The following CAP2 variants were observed in gnomAD, a reference collection of about 807,000 sequenced individuals.
CAP2 encodes the protein cyclase associated actin cytoskeleton regulatory protein 2.
In CAP2, 24 loss-of-function variants were observed where a neutral mutation model predicts 57.7. The observed-to-expected ratio is 0.42, with a 90% confidence interval of 0.30 to 0.58. The LOEUF (loss-of-function observed/expected upper bound fraction) is 0.58, where lower values mean the gene tolerates loss of function less well. Ranked by LOEUF, CAP2 falls within the 20% of genes least tolerant of loss-of-function variation. The probability of loss-of-function intolerance (pLI) is 0.22; values close to 1 mark genes in which losing one functional copy is unlikely to be tolerated. For synonymous variants in CAP2, 194 were observed against 207.2 expected (o/e 0.94, Z 0.55); for missense variants, 501 against 590.3 (o/e 0.85, Z 1.57).
intron 2 of CAP2, among the ~76,000 whole-genome samples, chr6:17,425,189 A>G (rs1732266591): frequency 6.6e-6 from 1 of 152,204 alleles, no homozygotes; most frequent in South Asian, 2.1e-4. Context: ...GGAATCCTAG[A>G]TTTTGGTTAG....
chr6:17,438,142 C>T (rs577726132), intron 3 of CAP2, among the ~76,000 whole-genome samples: 8 of 146,670 alleles, frequency 5.5e-5, no homozygotes, highest in South Asian at 2.1e-4. Flanking sequence ...CCAAGGTGGG[C>T]GGATCACAAG....
At chr6:17,406,394 A>ATTTTTTTTTTTTTTTTTTTTTT (rs1335180213) in intron 1 of CAP2, among the ~76,000 whole-genome samples, 4 of 91,910 alleles carry the variant, frequency 4.4e-5, no homozygotes, top group African/African-American at 6.1e-5. Flanking sequence ...GTAAGCCCAG[A>ATTTTTTTTTTTTTTTTTTTTTT]TTTCTTTTTT....
rs781381526 is a variant in CAP2 at position 17,463,057 on chromosome 6, ACC to A, written c.285_286del (p.Tyr95Ter). On this transcript the variant is annotated stop_gained and frameshift_variant, in exon 4 of 13. Coordinates refer to ENST00000229922, the MANE Select transcript of CAP2 (RefSeq NM_006366.3). LOFTEE classifies it high-confidence loss of function. ...GCTTTCCTTCTGATGGCCTCTCAGT[ACC>A]AACAACCCCACGAGGTAAGAGAGTG... 6.2e-7 allele frequency: 1 copy of A among 1,613,336 alleles called. No homozygotes were observed. Among genetic ancestry groups the A allele is most frequent in the Non-Finnish European group, 8.5e-7 (1 of 1,179,304 alleles).
At chr6:17,499,850 T>A (rs966631971) in intron 4 of CAP2, among the ~76,000 whole-genome samples, 6 of 149,234 alleles carry the variant, frequency 4.0e-5, no homozygotes, top group Non-Finnish European at 8.9e-5. Context: ...GACCCTGTCA[T>A]AAATAAATAA....
chr6:17,463,940 A>G (rs994549027), intron 4 of CAP2, among the ~76,000 whole-genome samples: 3 of 152,212 alleles, frequency 2.0e-5, no homozygotes, highest in South Asian at 2.1e-4. Context: ...AGTAAGGCCC[A>G]TGGTAAATTT....
At chr6:17,529,423 C>T (rs557732177) in intron 7 of CAP2, among the ~76,000 whole-genome samples, 3 of 152,024 alleles carry the variant, frequency 2.0e-5, no homozygotes, top group Non-Finnish European at 4.4e-5. Context: ...AGGCGGATCA[C>T]GAGGTCAGGA....
intron 1 of CAP2, among the ~76,000 whole-genome samples, chr6:17,410,324 A>G (rs1158520220): frequency 6.6e-6 from 1 of 152,168 alleles, no homozygotes; most frequent in Non-Finnish European, 1.5e-5. Context: ...AATACCCAGA[A>G]CTACTGCATC....
chr6:17,443,361 C>T (rs527730018), intron 3 of CAP2, among the ~76,000 whole-genome samples: 3 of 152,242 alleles, frequency 2.0e-5, no homozygotes, highest in Middle Eastern at 6.8e-3. Context: ...CTTGCCTTGA[C>T]GCCTCTTTTC....
Position 17,547,202 on chromosome 6 carries a change from G to A in CAP2, c.1209+4059G>A, listed in dbSNP as rs142232582. ...AAAGTGATCTATAAATACATTTATT[G>A]TACTTTATTAGGAGAAAATAACAGT... On this transcript the variant is annotated intron_variant, in intron 11 of 12. Coordinates refer to ENST00000229922, the MANE Select transcript of CAP2 (RefSeq NM_006366.3). Among the ~76,000 whole-genome samples, 11 of 152,260 alleles carry A rather than the reference G, an allele frequency of 7.2e-5. No homozygotes were observed. The East Asian group carries it at 2.1e-3, about 29-fold the overall frequency.
chr6:17,499,657 T>C (rs576808985), intron 4 of CAP2, among the ~76,000 whole-genome samples: 196 of 152,036 alleles, frequency 1.3e-3, no homozygotes, highest in African/African-American at 4.4e-3. Flanking sequence ...AAGACCAGCC[T>C]GGGCACAACA....
chr6:17,448,385 G>T (rs1760316345), intron 3 of CAP2, among the ~76,000 whole-genome samples: 3 of 152,226 alleles, frequency 2.0e-5, no homozygotes, highest in Admixed American at 2.0e-4. Flanking sequence ...GAGCCAATCT[G>T]CCAAGTGGTT....
chr6:17,542,977 G>A lies in CAP2; in HGVS notation c.1126+17G>A. 6 of 1,613,288 alleles carry A rather than the reference G, an allele frequency of 3.7e-6. No homozygotes were observed. The highest frequency in any genetic ancestry group is 5.1e-6 in the Non-Finnish European group (6 of 1,179,368). The stretch of plus-strand genomic sequence containing the variant: ...TTATAATTGGTAGGGCAGAATTATG[G>A]CTCTATGGTTATTATGATGTTTTAT... On this transcript the variant is annotated intron_variant, in intron 10 of 12. Transcript: ENST00000229922.
intron 4 of CAP2, among the ~76,000 whole-genome samples, chr6:17,500,572 C>T (rs1761793878): frequency 6.6e-6 from 1 of 151,628 alleles, no homozygotes; most frequent in South Asian, 2.1e-4. Context: ...ATTCTGGCAA[C>T]TTCCGAATGT....
chr6:17,419,302 T>G (rs1759368172), intron 1 of CAP2, among the ~76,000 whole-genome samples: 1 of 152,258 alleles, frequency 6.6e-6, no homozygotes, highest in East Asian at 1.9e-4. Flanking sequence ...TATTTACCCC[T>G]GCTTTAGGAC....
At chr6:17,553,572 G>A (rs1178129362) in intron 12 of CAP2, among the ~76,000 whole-genome samples, 1 of 151,302 alleles carries the variant, frequency 6.6e-6, no homozygotes, top group Non-Finnish European at 1.5e-5. Flanking sequence ...GGCAGAGGTT[G>A]CAGTGAGCTG....
At chr6:17,515,407 G>T (rs143404284) in intron 7 of CAP2, among the ~76,000 whole-genome samples, 357 of 152,148 alleles carry the variant, frequency 2.3e-3, no homozygotes, top group African/African-American at 8.2e-3. Flanking sequence ...GCTAAATAAT[G>T]GGTACACGTG....
chr6:17,463,675 T>C (rs1347293339), intron 4 of CAP2, among the ~76,000 whole-genome samples: 1 of 152,150 alleles, frequency 6.6e-6, no homozygotes, highest in African/African-American at 2.4e-5. Context: ...TGTCCCAAGA[T>C]TCTGCTTTTT....
At chr6:17,429,758 C>G (rs918683948) in intron 3 of CAP2, among the ~76,000 whole-genome samples, 1 of 152,166 alleles carries the variant, frequency 6.6e-6, no homozygotes, top group Non-Finnish European at 1.5e-5. Flanking sequence ...GAAAGAAACA[C>G]TTGTCATCTG....
chr6:17,486,536 G>T (rs111896066), intron 4 of CAP2, among the ~76,000 whole-genome samples: 1 of 152,170 alleles, frequency 6.6e-6, no homozygotes, highest in African/African-American at 2.4e-5. Flanking sequence ...AGCCCAGGAG[G>T]TCCAGGCTGC....
Sources: allele counts gnomAD v4.1 joint callset (sites outside exome capture counted in the v4.1 genomes callset), GRCh38; gene constraint gnomAD v4.1.1; transcripts MANE v1.5; gene names NCBI Gene and HGNC (gene_info 2026-07-23, HGNC 2026-07-21).